The following NR3C2 variants were observed in gnomAD, a reference collection of about 807,000 sequenced individuals.
NR3C2 encodes mineralocorticoid receptor.
NR3C2 carries 15 observed loss-of-function variants against 86.4 expected under a neutral mutation model. The observed-to-expected ratio is 0.17, with a 90% CI of 0.12 to 0.27. The LOEUF is 0.27. Among genes scored for constraint, NR3C2 ranks in the 10% least tolerant of loss-of-function variants. The probability of loss-of-function intolerance (pLI) is 1.00; values close to 1 mark genes in which losing one functional copy is unlikely to be tolerated. For missense variants in NR3C2, 960 were observed against 1,195.6 expected (o/e 0.80, Z 2.91); for synonymous variants, 458 against 450.5 (o/e 1.02, Z -0.21).
At chr4:148,364,945 C>A (rs1364299460) in intron 2 of NR3C2, among the ~76,000 whole-genome samples, 1 of 151,760 alleles carries the variant, frequency 6.6e-6, no homozygotes, top group African/African-American at 2.4e-5. Context: ...TAATTTTACA[C>A]AATATTTTTA....
At chr4:148,301,822 G>A (rs1458239016) in intron 2 of NR3C2, among the ~76,000 whole-genome samples, 1 of 152,164 alleles carries the variant, frequency 6.6e-6, no homozygotes, top group African/African-American at 2.4e-5. Flanking sequence ...GGACCCCGGA[G>A]CACCATGAAG....
rs575921730 is a variant in NR3C2 at position 148,216,555 on chromosome 4, C to T, written c.1898-21693G>A. 3.3e-5 allele frequency among the ~76,000 whole-genome samples: 5 copies of T among 152,302 alleles called. No individual in the cohort carries two copies. In the South Asian group the frequency reaches 1.0e-3, roughly 32 times the overall value. On this transcript the variant is annotated intron_variant, in intron 3 of 8. Coordinates refer to ENST00000358102, the MANE Select transcript of NR3C2 (RefSeq NM_000901.5). ...TGCTACACTCTGAGGGCCACATGTG[C>T]ATATAGCAGTTCTTAGCCTTGGCTG...
chr4:148,231,146 TG>T (rs1738439906), intron 3 of NR3C2, among the ~76,000 whole-genome samples: 1 of 152,246 alleles, frequency 6.6e-6, no homozygotes, highest in African/African-American at 2.4e-5. Flanking sequence ...AAAAGTGCAG[TG>T]CTCTAAACTG....
At chr4:148,205,086 C>G (rs1425416588) in intron 3 of NR3C2, among the ~76,000 whole-genome samples, 1 of 152,204 alleles carries the variant, frequency 6.6e-6, no homozygotes, top group Non-Finnish European at 1.5e-5. Flanking sequence ...GGTTTCAACA[C>G]AGTTCAGTGG....
intron 2 of NR3C2, among the ~76,000 whole-genome samples, chr4:148,377,605 G>A (rs1746743415): frequency 6.6e-6 from 1 of 152,140 alleles, no homozygotes; most frequent in African/African-American, 2.4e-5. Context: ...AGGTTTTGAG[G>A]TAGTGTCCTA....
intron 8 of NR3C2, among the ~76,000 whole-genome samples, chr4:148,099,234 T>A (rs951140361): frequency 6.6e-6 from 1 of 152,198 alleles, no homozygotes; most frequent in African/African-American, 2.4e-5. Flanking sequence ...ATTAAGAATT[T>A]CCAGATGGGA....
At chr4:148,222,201 T>C (rs1034533169) in intron 3 of NR3C2, among the ~76,000 whole-genome samples, 4 of 152,170 alleles carry the variant, frequency 2.6e-5, no homozygotes, top group Non-Finnish European at 5.9e-5. Context: ...TGAAGCCTCA[T>C]TGGAATTCAA....
chr4:148,425,414 A>C (rs1329723868), intron 2 of NR3C2, among the ~76,000 whole-genome samples: 2 of 152,200 alleles, frequency 1.3e-5, no homozygotes, highest in African/African-American at 4.8e-5. Flanking sequence ...ACTTTCAATA[A>C]GAAGATCAAG....
chr4:148,091,348 G>A (rs536083011), intron 8 of NR3C2, among the ~76,000 whole-genome samples: 3 of 152,348 alleles, frequency 2.0e-5, no homozygotes, highest in African/African-American at 4.8e-5. Context: ...ACAGCCAGTG[G>A]GCCAGGGAAG....
At chr4:148,189,066 C>G (rs1736073732) in intron 4 of NR3C2, among the ~76,000 whole-genome samples, 1 of 151,638 alleles carries the variant, frequency 6.6e-6, no homozygotes, top group African/African-American at 2.4e-5. Flanking sequence ...GTAGCTGAGA[C>G]TACAGGTGCG....
chr4:148,100,369 C>T (rs140963618), intron 8 of NR3C2, among the ~76,000 whole-genome samples: 35 of 152,118 alleles, frequency 2.3e-4, no homozygotes, highest in African/African-American at 8.4e-4. Flanking sequence ...AGAACTCCTA[C>T]AGCTCAACAA....
chr4:148,334,340 C>T (rs1236341299), intron 2 of NR3C2, among the ~76,000 whole-genome samples: 1 of 152,184 alleles, frequency 6.6e-6, no homozygotes, highest in Admixed American at 6.5e-5. Flanking sequence ...GTCGGGAGTT[C>T]GAGATCAGCC....
intron 2 of NR3C2, among the ~76,000 whole-genome samples, chr4:148,389,365 GGTGTTCAGCTCAGGATTC>G (rs1747424832): frequency 6.6e-6 from 1 of 152,172 alleles, no homozygotes; most frequent in East Asian, 1.9e-4. Context: ...ACGGGTAAAA[GGTGTTCAGCTCAGGATTC>G]ACCAGGTAAG....
At chr4:148,227,062 T>C (rs1738209390) in intron 3 of NR3C2, among the ~76,000 whole-genome samples, 1 of 152,138 alleles carries the variant, frequency 6.6e-6, no homozygotes, top group Non-Finnish European at 1.5e-5. Flanking sequence ...AGCATAATGA[T>C]CACTGAATTA....
chr4:148,234,476 C>A (rs1455839041), intron 3 of NR3C2, among the ~76,000 whole-genome samples: 1 of 151,976 alleles, frequency 6.6e-6, no homozygotes, highest in East Asian at 1.9e-4. Flanking sequence ...TTGAGACCAT[C>A]CTGGCTAACA....
rs1560908269 is a variant in NR3C2, at chr4:148,079,761, C to CTTAT, written c.*1579_*1582dup. ...TCTCCAAAACTGTTTATGTATAAAA[C>CTTAT]TTATTTTTAAAACCTACCTTTTAAA... On this transcript the variant is annotated 3_prime_UTR_variant, in exon 9 of 9. Coordinates refer to ENST00000358102, the MANE Select transcript of NR3C2 (RefSeq NM_000901.5). 1 of 152,566 alleles carries CTTAT rather than the reference C, an allele frequency of 6.6e-6. No individual in the cohort carries two copies. Among genetic ancestry groups the CTTAT allele is most frequent in the Non-Finnish European group, 1.5e-5 (1 of 68,038 alleles). The allele number at this position is 152,566 out of a possible 1,614,324, so 9.5% of individuals were successfully genotyped here.
chr4:148,262,328 A>G (rs1321957990), intron 2 of NR3C2, among the ~76,000 whole-genome samples: 1 of 151,868 alleles, frequency 6.6e-6, no homozygotes, highest in African/African-American at 2.4e-5. Context: ...CGGTGATCTC[A>G]TCTAGTCTCT....
chr4:148,390,021 A>C (rs1747459708), intron 2 of NR3C2, among the ~76,000 whole-genome samples: 1 of 152,066 alleles, frequency 6.6e-6, no homozygotes, highest in Non-Finnish European at 1.5e-5. Context: ...TAGGAATATG[A>C]TAAAAGGATA....
At chr4:148,204,270 C>G (rs1050768304) in intron 3 of NR3C2, among the ~76,000 whole-genome samples, 1 of 152,006 alleles carries the variant, frequency 6.6e-6, no homozygotes, top group Non-Finnish European at 1.5e-5. Flanking sequence ...GAACAAGGAA[C>G]TTTTTTTTCA....
Sources: gnomAD v4.1 joint callset for allele counts (sites outside exome capture counted in the v4.1 genomes callset) on GRCh38, gnomAD v4.1.1 for gene constraint, MANE v1.5 for transcripts, NCBI Gene and HGNC (gene_info 2026-07-23, HGNC 2026-07-21) for gene names.